The following CHD5 variants were observed in gnomAD, a reference collection of about 807,000 sequenced individuals.
CHD5 encodes the protein ATP-dependent chromatin remodeler CHD5.
CHD5 carries 69 observed loss-of-function variants against 230.3 expected under a neutral mutation model. The ratio of observed to expected loss-of-function variants is 0.30; its 90% CI spans 0.25 to 0.37. The LOEUF (loss-of-function observed/expected upper bound fraction) is 0.37, where lower values mean the gene tolerates loss of function less well. Among genes scored for constraint, CHD5 ranks in the 10% least tolerant of loss-of-function variants. The probability of loss-of-function intolerance (pLI) is 1.00; values close to 1 mark genes in which losing one functional copy is unlikely to be tolerated. For synonymous variants in CHD5, 1,064 were observed against 1,065.9 expected, an observed-to-expected ratio of 1.00 and a Z score of 0.03; for missense variants, 1,827 against 2,622.8, an observed-to-expected ratio of 0.70 and a Z score of 6.63.
intron 25 of CHD5, 70 bp downstream of exon 25, chr1:6,127,976 G>A: frequency 7.3e-7 from 1 of 1,366,168 alleles, no homozygotes; most frequent in Non-Finnish European, 9.9e-7. Context: ...TGGAAGGCGT[G>A]GACACAGTGG....
At chr1:6,153,899 C>G (rs947592797) in intron 5 of CHD5, among the ~76,000 whole-genome samples, 1 of 151,970 alleles carries the variant, frequency 6.6e-6, no homozygotes, top group African/African-American at 2.4e-5. Flanking sequence ...ACTGACAGCC[C>G]TGGGGAGATC....
rs971172551 is a variant in CHD5 at position 6,155,481 on chromosome 1, G to T, written c.506+118C>A. On this transcript the variant is annotated intron_variant, in intron 4 of 41. Coordinates refer to ENST00000262450, the MANE Select transcript of CHD5 (RefSeq NM_015557.3). The surrounding 1 kb of genome is among the most constrained non-coding windows in gnomAD (Gnocchi z 4.0). The stretch of plus-strand genomic sequence containing the variant: ...TCCAGCTCCCCCAGGTTGCTCAGTC[G>T]GTCTGACAGAGCCCACCCCTACCCC... The T allele has an allele frequency of 1.2e-6, 1 of 815,224 alleles. No homozygotes were observed. Among genetic ancestry groups the T allele is most frequent in the East Asian group, 2.5e-5 (1 of 39,422 alleles). 50.5% of individuals were successfully genotyped at this position (815,224 alleles called of 1,614,324 possible).
chr1:6,169,262 C>T (rs893725584), intron 1 of CHD5, among the ~76,000 whole-genome samples: 1 of 152,226 alleles, frequency 6.6e-6, no homozygotes, highest in Non-Finnish European at 1.5e-5. Flanking sequence ...ACACTCACAA[C>T]GGGAAGCCAA....
intron 11 of CHD5, 53 bp from the exon 12 acceptor site, chr1:6,144,208 G>T: frequency 6.2e-7 from 1 of 1,605,154 alleles, no homozygotes; most frequent in Non-Finnish European, 8.5e-7. Flanking sequence ...CACAGCACAG[G>T]TTTGATGAAG....
Position 6,103,480 on chromosome 1 carries a change from G to A in CHD5, c.*1994C>T, listed in dbSNP as rs1016578243. ...CACAGGCCTCCAGTCCTGCTGCTCG[G>A]GACCTATCTGCTGTGGGCCAAGGAA... is the stretch of plus-strand genomic sequence containing the variant. On this transcript the variant is annotated 3_prime_UTR_variant, in exon 42 of 42. Coordinates refer to ENST00000262450, the MANE Select transcript of CHD5 (RefSeq NM_015557.3). 8 of 152,498 alleles carry A rather than the reference G, an allele frequency of 5.2e-5. No individual in the cohort carries two copies. The highest frequency in any genetic ancestry group is 1.7e-4 in the African/African-American group (7 of 41,462). 9.4% of individuals were successfully genotyped at this position (152,498 alleles called of 1,614,324 possible).
chr1:6,156,467 CG>C (rs1289540273), intron 3 of CHD5, among the ~76,000 whole-genome samples: 1 of 145,618 alleles, frequency 6.9e-6, no homozygotes, highest in African/African-American at 2.6e-5. Flanking sequence ...ACTCGGGAGA[CG>C]GAGGTTGCAG....
In CHD5 at chr1:6,149,381, G is replaced by A. The variant is rs547620981; in HGVS notation, c.1026C>T (p.His342=). 229 of 1,613,150 alleles carry A rather than the reference G, an allele frequency of 1.4e-4. 3 individuals are homozygous for A. In the South Asian group the frequency reaches 2.4e-3, roughly 17 times the overall value. The change falls in exon 8 of 42, where the codon CAC becomes CAT. Residue 342 remains histidine, a synonymous_variant. Transcript: ENST00000262450. ...IDDGDGYETD[H]QDYCEVCQQG... is the part of the protein sequence containing the mutation. ...GCTGGCACACCTCACAGTAATCCTG[G>A]TGGTCTGTCTCATAGCCGTCACCAT...
chr1:6,170,471 T>C (rs12141299), intron 1 of CHD5, among the ~76,000 whole-genome samples: 43,516 of 152,068 alleles, frequency 0.29, 11,406 homozygotes, highest in African/African-American at 0.7. Flanking sequence ...CCTCCCACCC[T>C]TGCATCCCAC....
At chr1:6,107,062 G>A (rs558808725) in intron 38 of CHD5, among the ~76,000 whole-genome samples, 5 of 136,548 alleles carry the variant, frequency 3.7e-5, no homozygotes, top group South Asian at 5.5e-4. Flanking sequence ...ATGATGGAGC[G>A]ATGGAAGGAT....
chr1:6,109,998 C>T lies in CHD5; in HGVS notation c.5383-8G>A, dbSNP rs369621085. 3.9e-6 allele frequency: 6 copies of T among 1,523,086 alleles called. No homozygotes were observed. The African/African-American group carries it at 5.6e-5, about 14-fold the overall frequency. 94.3% of individuals were successfully genotyped at this position (1,523,086 alleles called of 1,614,324 possible). A position where few individuals can be genotyped will look rare whatever the true frequency, so the allele number is the denominator to read the frequency against. Reference sequence around the variant, plus strand: ...CAACGCCTGCTCCAGCAGCTGGGGGCGGGGCGCAGCGTCGGCCCGGCCCCT... The same window carrying T: ...CAACGCCTGCTCCAGCAGCTGGGGGTGGGGCGCAGCGTCGGCCCGGCCCCT... On this transcript the variant is annotated splice_region_variant and splice_polypyrimidine_tract_variant and intron_variant, in intron 37 of 41. Coordinates refer to ENST00000262450, the MANE Select transcript of CHD5 (RefSeq NM_015557.3).
At chr1:6,144,002 C>T in intron 12 of CHD5, 22 bp downstream of exon 12, 1 of 1,614,134 alleles carries the variant, frequency 6.2e-7, no homozygotes, top group Non-Finnish European at 8.5e-7. Flanking sequence ...CTGTGCCTAG[C>T]AGCCGGATCC....
Position 6,148,969 on chromosome 1 carries a change from T to G in CHD5, c.1268A>C (p.Lys423Thr), listed in dbSNP as rs1314998243. 6.2e-7 allele frequency: 1 copy of G among 1,607,394 alleles called. No homozygotes were observed. The highest frequency in any genetic ancestry group is 8.5e-7 in the Non-Finnish European group (1 of 1,177,252). Residue 423 changes from lysine (K) to threonine (T), a missense_variant, in exon 9 of 42, where the codon AAG becomes ACG. Physicochemically the swap from Lys to Thr is moderately conservative, Grantham distance 78. This residue lies in a region of CHD5 where 657 missense variants were observed against 816.4 expected (regional missense o/e 0.80). Transcript: ENST00000262450. ...DDHMEFCRVC[K>T]DGGELLCCDA... ...GCAGCAGAGCAGCTCGCCCCCGTCC[T>G]TGCACACGCGGCAGAACTCCATGTG...
At chr1:6,178,722 G>A (rs1365925216) in intron 1 of CHD5, among the ~76,000 whole-genome samples, 1 of 152,124 alleles carries the variant, frequency 6.6e-6, no homozygotes, top group Non-Finnish European at 1.5e-5. Context: ...GGAGCTCAGT[G>A]ACAGCATTAA....
chr1:6,147,723 C>T (rs571267755), intron 9 of CHD5, among the ~76,000 whole-genome samples: 1 of 152,322 alleles, frequency 6.6e-6, no homozygotes, highest in South Asian at 2.1e-4. Context: ...AAATGGCCCA[C>T]CCCTTCCTCC....
chr1:6,142,261 A>G lies in CHD5; in HGVS notation c.2303T>C (p.Phe768Ser). ...GTAGAAGTCGGGCGCCCACATCTCA[A>G]ACTCGCGTTCCCAGTTGATGATGGT... ...LSTIINWERE[F>S]EMWAPDFYVV... The change falls in exon 15 of 42, where the codon TTT becomes TCT. Residue 768 changes from phenylalanine (F) to serine (S), a missense_variant. By Grantham distance (155) the Phe-to-Ser change is radical. This residue lies in a region of CHD5 where 80 missense variants were observed against 96.4 expected (regional missense o/e 0.83). Coordinates refer to ENST00000262450, the MANE Select transcript of CHD5 (RefSeq NM_015557.3). This position sits in a 1 kb window ranked among gnomAD's most constrained non-coding sequence, Gnocchi z 5.2. The G allele has an allele frequency of 6.2e-7, 1 of 1,613,864 alleles. No homozygotes were observed. The highest frequency in any genetic ancestry group is 8.5e-7 in the Non-Finnish European group (1 of 1,179,828).
intron 1 of CHD5, among the ~76,000 whole-genome samples, chr1:6,169,203 G>A (rs984532464): frequency 8.5e-5 from 13 of 152,170 alleles, no homozygotes; most frequent in African/African-American, 2.4e-4. Context: ...CGTGGATCCC[G>A]CACCTGTGCA....
At chr1:6,114,634 C>T (rs1191334759) in intron 33 of CHD5, among the ~76,000 whole-genome samples, 5 of 151,740 alleles carry the variant, frequency 3.3e-5, no homozygotes, top group Non-Finnish European at 7.4e-5. Context: ...ATTTGTCCCA[C>T]GGACCACACA....
chr1:6,133,761 GC>G (rs1333095680), intron 20 of CHD5, among the ~76,000 whole-genome samples: 1 of 152,196 alleles, frequency 6.6e-6, no homozygotes, highest in African/African-American at 2.4e-5. Flanking sequence ...GGTGCCAGTG[GC>G]CCCTCAGGGC....
At chr1:6,152,649 C>T (rs752425598) in intron 5 of CHD5, 113 bp from the exon 6 acceptor site, 2 of 1,518,368 alleles carry the variant, frequency 1.3e-6, no homozygotes, top group African/African-American at 2.7e-5. Flanking sequence ...TTTCTACCAT[C>T]ACCCCGTTTC....
Sources: allele counts gnomAD v4.1 joint callset (sites outside exome capture counted in the v4.1 genomes callset), GRCh38; gene constraint gnomAD v4.1.1; regional missense constraint gnomAD v4.1.1; non-coding constraint Gnocchi (gnomAD v3.1); transcripts MANE v1.5; gene names NCBI Gene and HGNC (gene_info 2026-07-23, HGNC 2026-07-21).